The following RPS6KC1 variants were observed in gnomAD, a reference collection of about 807,000 sequenced individuals.
The protein encoded by RPS6KC1 is ribosomal protein S6 kinase C1.
A neutral mutation model predicts 103.8 loss-of-function variants in RPS6KC1; 54 were observed. That is an observed-to-expected ratio of 0.52 (90% CI 0.42 to 0.65). The LOEUF is 0.65. Among genes scored for constraint, RPS6KC1 ranks in the 30% least tolerant of loss-of-function variants. RPS6KC1 has a pLI of 0.00. For synonymous variants in RPS6KC1, 439 were observed against 438.7 expected (o/e 1.00, Z -0.01); for missense variants, 1,151 against 1,253.8 (o/e 0.92, Z 1.24).
the RPS6KC1 span, among the ~76,000 whole-genome samples, chr1:213,426,855 T>C: frequency 6.6e-6 from 1 of 152,218 alleles, no homozygotes; most frequent in African/African-American, 2.4e-5. Context: ...ACATATTCAG[T>C]CTATCATCTA....
At chr1:213,137,736 G>T (rs1572761452) in intron 6 of RPS6KC1, among the ~76,000 whole-genome samples, 3 of 97,846 alleles carry the variant, frequency 3.1e-5, no homozygotes, top group South Asian at 3.8e-4. Flanking sequence ...CCTGTGCTTT[G>T]GTTTAAGTCC....
chr1:213,745,852 C>A, the RPS6KC1 span, among the ~76,000 whole-genome samples: 2 of 152,142 alleles, frequency 1.3e-5, no homozygotes, highest in Admixed American at 1.3e-4. Flanking sequence ...CTATTTACAC[C>A]ACCACAAGGA....
At chr1:213,554,264 C>T in the RPS6KC1 span, among the ~76,000 whole-genome samples, 1 of 152,134 alleles carries the variant, frequency 6.6e-6, no homozygotes, top group Non-Finnish European at 1.5e-5. Context: ...TCTCCCAGCA[C>T]CATTTATTGA....
intron 6 of RPS6KC1, among the ~76,000 whole-genome samples, chr1:213,132,150 G>C (rs1162253667): frequency 6.6e-6 from 1 of 152,190 alleles, no homozygotes; most frequent in East Asian, 1.9e-4. Flanking sequence ...TTCTCCACTA[G>C]AACTTGATAC....
At chr1:213,096,961 T>C (rs1366870357) in intron 3 of RPS6KC1, among the ~76,000 whole-genome samples, 1 of 152,216 alleles carries the variant, frequency 6.6e-6, no homozygotes, top group Non-Finnish European at 1.5e-5. Flanking sequence ...CCATGGACTG[T>C]AGAATTGATG....
At chr1:213,622,708 G>A in the RPS6KC1 span, among the ~76,000 whole-genome samples, 2 of 152,110 alleles carry the variant, frequency 1.3e-5, no homozygotes, top group Non-Finnish European at 2.9e-5. Flanking sequence ...GGGTCTTGCT[G>A]CTAGAAGGGA....
At chr1:213,210,434 A>G (rs1395955596) in intron 8 of RPS6KC1, among the ~76,000 whole-genome samples, 1 of 152,242 alleles carries the variant, frequency 6.6e-6, no homozygotes, top group Non-Finnish European at 1.5e-5. Flanking sequence ...TTGAAGCATC[A>G]GAGCAAGAGG....
chr1:213,252,158 ATCTT>A (rs1478549147), intron 12 of RPS6KC1, among the ~76,000 whole-genome samples: 1 of 152,312 alleles, frequency 6.6e-6, no homozygotes, highest in East Asian at 1.9e-4. Flanking sequence ...TGCATAGAAA[ATCTT>A]TATACACAGC....
chr1:213,762,051 A>G, the RPS6KC1 span, among the ~76,000 whole-genome samples: 1 of 151,924 alleles, frequency 6.6e-6, no homozygotes, highest in African/African-American at 2.4e-5. Context: ...GAGGAGGAAA[A>G]GAGGAGAAAA....
chr1:213,810,371 A>AATT, the RPS6KC1 span, among the ~76,000 whole-genome samples: 1 of 152,214 alleles, frequency 6.6e-6, no homozygotes, highest in Admixed American at 6.5e-5. Flanking sequence ...GAAGTGTCAA[A>AATT]ATTATTGCTC....
At chr1:213,522,978 C>A in the RPS6KC1 span, among the ~76,000 whole-genome samples, 1 of 152,178 alleles carries the variant, frequency 6.6e-6, no homozygotes. Flanking sequence ...GTGAAAGAAA[C>A]CTAGCTTTCA....
At chr1:213,545,419 A>AAATAAAT in the RPS6KC1 span, among the ~76,000 whole-genome samples, 1 of 75,646 alleles carries the variant, frequency 1.3e-5, no homozygotes, top group Non-Finnish European at 3.3e-5. Context: ...AATAAATAAA[A>AAATAAAT]TAAAATAAAA....
At position 213,129,326 on chromosome 1, in the gene RPS6KC1, A is replaced by T. The variant is rs940558235; in HGVS notation, c.473-201A>T. Among the ~76,000 whole-genome samples, 7 of 152,154 alleles carry T rather than the reference A, an allele frequency of 4.6e-5. No individual in the cohort carries two copies. In the South Asian group the frequency reaches 1.4e-3, roughly 31 times the overall value. The stretch of plus-strand genomic sequence containing the variant: ...ATTTTAGTTTGATGATTAAGGCAAG[A>T]AGTTGTCTTCCAGAGTTACAGAGAG... On this transcript the variant is annotated intron_variant, in intron 5 of 14. Coordinates refer to ENST00000366960, the MANE Select transcript of RPS6KC1 (RefSeq NM_012424.6).
intron 1 of RPS6KC1, among the ~76,000 whole-genome samples, chr1:213,069,154 TGTGGCTAGTG>T (rs138049930): frequency 0.013 from 1,965 of 152,322 alleles, 23 homozygotes; most frequent in Non-Finnish European, 0.019. Flanking sequence ...GCCACACACA[TGTGGCTAGTG>T]GTGGCTGTGT....
At chr1:213,369,472 A>G in the RPS6KC1 span, among the ~76,000 whole-genome samples, 1 of 152,216 alleles carries the variant, frequency 6.6e-6, no homozygotes, top group African/African-American at 2.4e-5. Flanking sequence ...ATGGGAATGG[A>G]AAGGATGTCA....
In RPS6KC1 at chr1:213,104,455, G is replaced by T. The variant is rs763503004; in HGVS notation, c.264G>T (p.Gly88=). The T allele has an allele frequency of 6.9e-6, 11 of 1,593,992 alleles. No homozygotes were observed. In the Admixed American group the frequency reaches 1.9e-4, roughly 27 times the overall value. Residue 88 remains glycine (G), a splice_region_variant and synonymous_variant, in exon 4 of 15, where the codon GGG becomes GGT. Transcript: ENST00000366960. ...FPPFAKGIVF[G]RFDETVIEER... is the part of the protein sequence containing the mutation. ...GTGTTGATTCTTATTTAATTGTAGGGCGATTTGATGAAACTGTTATCGAAG... is the reference window on the plus strand; with the variant it reads ...GTGTTGATTCTTATTTAATTGTAGGTCGATTTGATGAAACTGTTATCGAAG...
At chr1:213,549,516 G>A in the RPS6KC1 span, among the ~76,000 whole-genome samples, 10 of 151,402 alleles carry the variant, frequency 6.6e-5, no homozygotes, top group Non-Finnish European at 1.3e-4. Flanking sequence ...AATGTTCCCT[G>A]TTCTCTTCTA....
chr1:213,241,951 C>G lies in RPS6KC1; in HGVS notation c.2475C>G (p.Leu825=), dbSNP rs2094365235. 4.3e-6 allele frequency: 7 copies of G among 1,614,024 alleles called. No homozygotes were observed. The highest frequency in any genetic ancestry group is 4.5e-5 in the East Asian group (2 of 44,880). ...GCTTATTCCGTATTTGTAGTCCACT[C>G]TCAGGTGCTAATGAATATATTGCAA... The part of the protein sequence containing the change: ...EESLFRICSP[L]SGANEYIAST... Residue 825 remains leucine (L), a synonymous_variant, in exon 11 of 15, where the codon CTC becomes CTG. Transcript: ENST00000366960.
the RPS6KC1 span, among the ~76,000 whole-genome samples, chr1:213,497,780 G>A: frequency 6.6e-6 from 1 of 151,882 alleles, no homozygotes; most frequent in Admixed American, 6.5e-5. Context: ...CCAAAATCTA[G>A]GATTTTGAGA....
Sources: allele counts gnomAD v4.1 joint callset (sites outside exome capture counted in the v4.1 genomes callset), GRCh38; gene constraint gnomAD v4.1.1; transcripts MANE v1.5; gene names NCBI Gene and HGNC (gene_info 2026-07-23, HGNC 2026-07-21).